The following ATP9B variants were observed in gnomAD, a reference collection of about 807,000 sequenced individuals.
ATP9B encodes ATPase phospholipid transporting 9B.
In ATP9B, 110 loss-of-function variants were observed where a neutral mutation model predicts 146.1. The observed-to-expected ratio is 0.75, with a 90% CI of 0.65 to 0.88. The LOEUF (loss-of-function observed/expected upper bound fraction) is 0.88. ATP9B is among the 40% of genes least tolerant of loss of function. ATP9B has a pLI of 0.00. For synonymous variants in ATP9B, 604 were observed against 569.7 expected (o/e 1.06, Z -0.86); for missense variants, 1,499 against 1,496.4 (o/e 1.00, Z -0.03).
At position 79,257,701 on chromosome 18, in the gene ATP9B, C is replaced by T. The variant is rs148328163; in HGVS notation, c.1268+4160C>T. On this transcript the variant is annotated intron_variant, in intron 12 of 29. Coordinates refer to ENST00000426216, the MANE Select transcript of ATP9B (RefSeq NM_198531.5). ...CACAAGTGCACTCCAGCTCAGCCTC[C>T]CCAGCCTCCAGCACAGGGCGCCTGC... 5.9e-5 allele frequency among the ~76,000 whole-genome samples: 9 copies of T among 152,348 alleles called. No individual in the cohort carries two copies. In the East Asian group the frequency reaches 1.7e-3, roughly 29 times the overall value.
chr18:79,355,632 C>G (rs1024621220), intron 25 of ATP9B, among the ~76,000 whole-genome samples: 3 of 149,384 alleles, frequency 2.0e-5, no homozygotes, highest in African/African-American at 5.1e-5. Context: ...ACCGTTTGTG[C>G]CGTGGGAGCC....
intron 26 of ATP9B, among the ~76,000 whole-genome samples, chr18:79,365,934 CTG>C (rs2147917943): frequency 6.6e-6 from 1 of 152,240 alleles, no homozygotes; most frequent in Non-Finnish European, 1.5e-5. Flanking sequence ...CAGGGACAGC[CTG>C]TGTGTGATGG....
intron 9 of ATP9B, among the ~76,000 whole-genome samples, chr18:79,198,071 A>G (rs957939611): frequency 7.2e-5 from 11 of 152,208 alleles, no homozygotes; most frequent in African/African-American, 2.7e-4. Context: ...TGAATATAAA[A>G]CAAGTCTTAG....
chr18:79,313,160 C>T (rs1048146302), intron 15 of ATP9B, among the ~76,000 whole-genome samples: 2 of 152,176 alleles, frequency 1.3e-5, no homozygotes, highest in Non-Finnish European at 2.9e-5. Flanking sequence ...CTCAGAACCA[C>T]GTTTGGAATT....
At chr18:79,290,470 A>ATTCGG (rs2096491671) in intron 13 of ATP9B, among the ~76,000 whole-genome samples, 1 of 151,982 alleles carries the variant, frequency 6.6e-6, no homozygotes, top group Admixed American at 6.6e-5. Flanking sequence ...CCGTCAGAAA[A>ATTCGG]GTGCAGTATT....
In ATP9B at chr18:79,126,395, C is replaced by T. The variant is rs185410348; in HGVS notation, c.667+20C>T. ...TAAGAGGTCAGCAAGATGCTTTAAT[C>T]CTGCTTAGCGTTTGCTTACTGTAAT... On this transcript the variant is annotated intron_variant, in intron 5 of 29. Coordinates refer to ENST00000426216, the MANE Select transcript of ATP9B (RefSeq NM_198531.5). 268 of 1,546,458 alleles carry T rather than the reference C, an allele frequency of 1.7e-4. 2 individuals are homozygous for T. The African/African-American group carries it at 3.3e-3, about 19-fold the overall frequency.
intron 19 of ATP9B, 94 bp downstream of exon 19, chr18:79,337,543 G>A (rs1439660306): frequency 4.7e-6 from 7 of 1,488,444 alleles, no homozygotes; most frequent in African/African-American, 1.4e-5. Flanking sequence ...CTCCTGTGGG[G>A]TCATGGATGT....
rs1388818332 is a variant in ATP9B, at chr18:79,373,880, G to A, written c.3071-18G>A. 6.2e-7 allele frequency: 1 copy of A among 1,612,084 alleles called. No individual in the cohort carries two copies. The highest frequency in any genetic ancestry group is 1.3e-5 in the African/African-American group (1 of 74,836). ...CACCCTGCTCGTGTGCATGGAAAAA[G>A]CTCCTGCTGTTTTTCAGGCGGCATC... is the stretch of plus-strand genomic sequence containing the variant. On this transcript the variant is annotated intron_variant, in intron 27 of 29. Coordinates refer to ENST00000426216, the MANE Select transcript of ATP9B (RefSeq NM_198531.5).
chr18:79,099,602 T>C (rs2075102609), intron 2 of ATP9B, among the ~76,000 whole-genome samples: 1 of 152,092 alleles, frequency 6.6e-6, no homozygotes, highest in South Asian at 2.1e-4. Flanking sequence ...TTTCCAAAGT[T>C]AGAGATTTTT....
chr18:79,087,278 A>G (rs535153382), intron 1 of ATP9B: 1 of 152,334 alleles, frequency 6.6e-6, no homozygotes, highest in South Asian at 2.1e-4. Context: ...ACTATCTTCT[A>G]AGACTGTTGC....
At chr18:79,245,551 G>GCA (rs112988499) in intron 11 of ATP9B, among the ~76,000 whole-genome samples, 16 of 147,274 alleles carry the variant, frequency 1.1e-4, no homozygotes, top group Non-Finnish European at 1.5e-4. Flanking sequence ...TACTGACTGA[G>GCA]GAGGGCACCG....
chr18:79,081,429 T>C (rs2073247924), intron 1 of ATP9B, among the ~76,000 whole-genome samples: 1 of 151,938 alleles, frequency 6.6e-6, no homozygotes, highest in South Asian at 2.1e-4. Context: ...CTGATGGTAG[T>C]TTGTATTTCT....
At chr18:79,343,888 C>T (rs981803225) in intron 20 of ATP9B, 25 of 278,304 alleles carry the variant, frequency 9.0e-5, no homozygotes, top group Non-Finnish European at 1.6e-4. Context: ...TAATCATTAT[C>T]GTTGTATGTT....
intron 13 of ATP9B, 155 bp downstream of exon 13, chr18:79,277,351 C>G (rs1031206165): frequency 3.5e-6 from 3 of 852,778 alleles, no homozygotes; most frequent in Non-Finnish European, 5.2e-6. Context: ...AGCCTCTACT[C>G]TTGAAACTGT....
chr18:79,332,416 G>C (rs570944634), intron 17 of ATP9B, among the ~76,000 whole-genome samples: 1 of 152,180 alleles, frequency 6.6e-6, no homozygotes, highest in Admixed American at 6.5e-5. Flanking sequence ...GCGACAGAGC[G>C]AGACTCCGTC....
intron 19 of ATP9B, among the ~76,000 whole-genome samples, chr18:79,339,569 C>T (rs897759594): frequency 4.0e-5 from 6 of 150,044 alleles, no homozygotes; most frequent in Admixed American, 1.3e-4. Flanking sequence ...GTGTCATGAT[C>T]GCAGTAGGAA....
chr18:79,142,570 G>A (rs928791456), intron 5 of ATP9B, among the ~76,000 whole-genome samples: 3 of 152,154 alleles, frequency 2.0e-5, no homozygotes, highest in Admixed American at 1.3e-4. Context: ...AGCAGTGGGG[G>A]AGGAGGCCTG....
At chr18:79,258,797 G>GT (rs1296661107) in intron 12 of ATP9B, among the ~76,000 whole-genome samples, 1 of 152,204 alleles carries the variant, frequency 6.6e-6, no homozygotes, top group Non-Finnish European at 1.5e-5. Flanking sequence ...GCTCTACCAT[G>GT]TTTCTCTCAC....
At chr18:79,083,148 G>A (rs2073440084) in intron 1 of ATP9B, among the ~76,000 whole-genome samples, 1 of 152,222 alleles carries the variant, frequency 6.6e-6, no homozygotes, top group Admixed American at 6.5e-5. Flanking sequence ...CAGTGGCTTT[G>A]CCAAGGTGTG....
Sources: allele counts gnomAD v4.1 joint callset (sites outside exome capture counted in the v4.1 genomes callset), GRCh38; gene constraint gnomAD v4.1.1; transcripts MANE v1.5; gene names NCBI Gene and HGNC (gene_info 2026-07-23, HGNC 2026-07-21).